PTK2: variants seen among roughly 807,000 people sequenced by gnomAD.
PTK2 encodes the protein protein tyrosine kinase 2.
In PTK2, 45 loss-of-function variants were observed where a neutral mutation model predicts 150.1. The observed-to-expected ratio is 0.30, with a 90% CI of 0.24 to 0.38. PTK2 has a LOEUF of 0.38. PTK2 is among the 10% of genes least tolerant of loss of function. The probability of loss-of-function intolerance (pLI) is 1.00; values close to 1 mark genes in which losing one functional copy is unlikely to be tolerated. For missense variants in PTK2, 919 were observed against 1,307.3 expected (o/e 0.70, Z 4.58); for synonymous variants, 432 against 449.2 (o/e 0.96, Z 0.48).
intron 16 of PTK2, among the ~76,000 whole-genome samples, chr8:140,758,570 TG>T (rs542702562): frequency 6.2e-4 from 94 of 152,288 alleles, no homozygotes; most frequent in African/African-American, 2.1e-3. Context: ...AAGACAGTGA[TG>T]TGGATGATCT....
At chr8:140,844,613 A>T (rs185148467) in intron 7 of PTK2, among the ~76,000 whole-genome samples, 2 of 152,146 alleles carry the variant, frequency 1.3e-5, no homozygotes, top group Non-Finnish European at 2.9e-5. Context: ...TTGCTTTTTG[A>T]GCACTTCCTT....
intron 24 of PTK2, 38 bp from the exon 28 acceptor site, chr8:140,702,745 T>C: frequency 6.2e-7 from 1 of 1,602,980 alleles, no homozygotes; most frequent in Non-Finnish European, 8.5e-7. Context: ...TGTTCAACTA[T>C]AACATCTGCA....
intron 10 of PTK2, among the ~76,000 whole-genome samples, chr8:140,815,546 T>A (rs540768965): frequency 1.4e-4 from 22 of 152,094 alleles, no homozygotes; most frequent in African/African-American, 5.1e-4. Flanking sequence ...AATCTGCCCA[T>A]GTACCCCTGA....
At chr8:140,969,014 A>G (rs1457493277) in intron 1 of PTK2, among the ~76,000 whole-genome samples, 1 of 152,214 alleles carries the variant, frequency 6.6e-6, no homozygotes, top group African/African-American at 2.4e-5. Context: ...TCAGGTTTAG[A>G]TAAGGAAAAA....
At chr8:140,860,737 G>GT (rs1197064820) in intron 5 of PTK2, among the ~76,000 whole-genome samples, 1 of 152,156 alleles carries the variant, frequency 6.6e-6, no homozygotes, top group African/African-American at 2.4e-5. Flanking sequence ...GCCTCCCAAA[G>GT]TGCTGGGATC....
chr8:140,924,299 T>C (rs775399506), intron 2 of PTK2, among the ~76,000 whole-genome samples: 2 of 152,178 alleles, frequency 1.3e-5, no homozygotes, highest in Non-Finnish European at 2.9e-5. Flanking sequence ...TGTCTGAAAC[T>C]GCATGGCCCA....
At chr8:140,662,566 G>A (rs2082094227) in intron 31 of PTK2, 2 of 403,746 alleles carry the variant, frequency 5.0e-6, no homozygotes, top group South Asian at 2.5e-4. Context: ...TGGTTGGGAT[G>A]TGAAGTTACA....
At chr8:140,920,348 G>C (rs892173190) in intron 2 of PTK2, among the ~76,000 whole-genome samples, 1 of 151,998 alleles carries the variant, frequency 6.6e-6, no homozygotes, top group Non-Finnish European at 1.5e-5. Flanking sequence ...TTTATGTATG[G>C]TATTCCTAAG....
At chr8:140,921,429 T>A (rs2100167399) in intron 2 of PTK2, among the ~76,000 whole-genome samples, 1 of 152,220 alleles carries the variant, frequency 6.6e-6, no homozygotes, top group Non-Finnish European at 1.5e-5. Context: ...TTCTCAAACC[T>A]TTTTTGTTTT....
chr8:140,748,747 T>C (rs1344854969), intron 17 of PTK2, among the ~76,000 whole-genome samples: 3 of 152,142 alleles, frequency 2.0e-5, no homozygotes, highest in African/African-American at 7.2e-5. Flanking sequence ...GGTGTATGCA[T>C]TTATAATTTC....
At chr8:140,693,565 A>T (rs11785690) in intron 26 of PTK2, among the ~76,000 whole-genome samples, 14,771 of 23,180 alleles carry the variant, frequency 0.64, 4,287 homozygotes, top group African/African-American at 0.68. Flanking sequence ...TGTCTCAATT[A>T]AAAAAAAAAA....
chr8:140,851,953 A>G (rs2100129556), intron 5 of PTK2, among the ~76,000 whole-genome samples: 1 of 151,992 alleles, frequency 6.6e-6, no homozygotes, highest in African/African-American at 2.4e-5. Flanking sequence ...CCGTGTGTGT[A>G]CTTGGGTGGG....
chr8:140,946,668 T>A (rs540171244), intron 1 of PTK2, among the ~76,000 whole-genome samples: 1 of 152,214 alleles, frequency 6.6e-6, no homozygotes, highest in Non-Finnish European at 1.5e-5. Context: ...TGAGGCTTAT[T>A]ATGACTACCC....
chr8:140,746,966 T>C (rs945714529), intron 17 of PTK2, 106 bp from the exon 21 acceptor site: 8 of 707,688 alleles, frequency 1.1e-5, no homozygotes, highest in African/African-American at 5.5e-5. Flanking sequence ...TCTCGACTCA[T>C]TGCAACCTCC....
At chr8:140,877,025 CTTTTTTTTTT>C (rs60000363) in intron 4 of PTK2, among the ~76,000 whole-genome samples, 268 of 71,914 alleles carry the variant, frequency 3.7e-3, no homozygotes, top group Non-Finnish European at 5.6e-3. Flanking sequence ...TTCACTAATC[CTTTTTTTTTT>C]TTTTTTTTTT....
chr8:140,749,388 A>G (rs914589281), intron 17 of PTK2, among the ~76,000 whole-genome samples: 1 of 152,228 alleles, frequency 6.6e-6, no homozygotes, highest in African/African-American at 2.4e-5. Flanking sequence ...CAAGCCTTTC[A>G]TATTTCCTCA....
chr8:140,854,604 T>C (rs1263458231), intron 5 of PTK2, among the ~76,000 whole-genome samples: 3 of 152,348 alleles, frequency 2.0e-5, no homozygotes, highest in South Asian at 2.1e-4. Flanking sequence ...AATACTGTTA[T>C]AACAAGATTC....
rs1597624094 is a variant in PTK2, at chr8:140,830,464, C to G, written c.648+8G>C. 2 of 1,515,274 alleles carry G rather than the reference C, an allele frequency of 1.3e-6. No homozygotes were observed. The highest frequency in any genetic ancestry group is 1.8e-6 in the Non-Finnish European group (2 of 1,113,954). The allele number at this position is 1,515,274 out of a possible 1,614,324, so 93.9% of individuals were successfully genotyped here. On this transcript the variant is annotated splice_region_variant and intron_variant, in intron 8 of 31. Transcript: ENST00000522684. ...TTATTTTATTATGATAAAGGAGACT[C>G]TAATTACCTTGACAGAATCCAGTAA...
rs79129802 is a variant in PTK2, at chr8:140,848,576, C to T, written c.451-1898G>A. Among the ~76,000 whole-genome samples the T allele has an allele frequency of 2.0e-3, 300 of 152,270 alleles. 2 individuals are homozygous for T. Among genetic ancestry groups the T allele is most frequent in the African/African-American group, 7.0e-3 (289 of 41,550 alleles). On this transcript the variant is annotated intron_variant, in intron 5 of 31. Coordinates refer to ENST00000522684, the Ensembl canonical transcript of PTK2. Reference sequence around the variant, plus strand: ...TTCTACTCCTTCCACAAAGCAGGCACTCAAGACTGACCAACCGGAACTGAA... The same window carrying T: ...TTCTACTCCTTCCACAAAGCAGGCATTCAAGACTGACCAACCGGAACTGAA...
Sources: gnomAD v4.1 joint callset for allele counts (sites outside exome capture counted in the v4.1 genomes callset) on GRCh38, gnomAD v4.1.1 for gene constraint, MANE v1.5 for transcripts, NCBI Gene and HGNC (gene_info 2026-07-23, HGNC 2026-07-21) for gene names.